CHD5: variants seen among roughly 807,000 people sequenced by gnomAD.
CHD5 encodes chromodomain helicase DNA binding protein 5.
Under a neutral mutation model 230.3 loss-of-function variants are expected in CHD5, and 69 were observed. That is an observed-to-expected ratio of 0.30 (90% CI 0.25 to 0.37). CHD5 has a LOEUF of 0.37. Among genes scored for constraint, CHD5 ranks in the 10% least tolerant of loss-of-function variants. CHD5 has a pLI of 1.00. For missense variants in CHD5, 1,827 were observed against 2,622.8 expected, an observed-to-expected ratio of 0.70 and a Z score of 6.63; for synonymous variants, 1,064 against 1,065.9, an observed-to-expected ratio of 1.00 and a Z score of 0.03.
chr1:6,124,514 C>T lies in CHD5; in HGVS notation c.4539+3G>A, dbSNP rs1666521245. On this transcript the variant is annotated splice_donor_region_variant and intron_variant, in intron 30 of 41. Coordinates refer to ENST00000262450, the MANE Select transcript of CHD5 (RefSeq NM_015557.3). ...AGGGCCCTACAGAGAGTTACTCACC[C>T]ACCTTCTTCCTAACTAGTGACATGA... 6.2e-7 allele frequency: 1 copy of T among 1,614,096 alleles called. No individual in the cohort carries two copies. Among genetic ancestry groups the T allele is most frequent in the East Asian group, 2.2e-5 (1 of 44,880 alleles).
At chr1:6,160,390 C>A (rs55708265) in intron 2 of CHD5, among the ~76,000 whole-genome samples, 3 of 117,642 alleles carry the variant, frequency 2.6e-5, no homozygotes. Flanking sequence ...GAGCCCTAGC[C>A]AGGGAAGGGC....
chr1:6,154,947 AGGCCCACCCGACCCCCGGCAG>A lies in CHD5; in HGVS notation c.507-70_507-50del. The A allele has an allele frequency of 6.5e-7, 1 of 1,538,424 alleles. No homozygotes were observed. The highest frequency in any genetic ancestry group is 8.9e-7 in the Non-Finnish European group (1 of 1,124,048). On this transcript the variant is annotated intron_variant, in intron 4 of 41. Transcript: ENST00000262450. The surrounding 1 kb of genome is among the most constrained non-coding windows in gnomAD (Gnocchi z 7.0). ...TGAGGGCAAGGCCAGGTGAGATGAG[AGGCCCACCCGACCCCCGGCAG>A]GGCCCACCCCTCTGCCACATGTGCG...
chr1:6,155,882 TGCAGCCCC>T lies in CHD5; in HGVS notation c.388-173_388-166del, dbSNP rs978806719. ...CCCACCCTAGGAAACATTCAAGCCC[TGCAGCCCC>T]GCAGCCCCGCAGCCCCCAATCTGTG... On this transcript the variant is annotated intron_variant, in intron 3 of 41. Coordinates refer to ENST00000262450, the MANE Select transcript of CHD5 (RefSeq NM_015557.3). The surrounding 1 kb of genome is among the most constrained non-coding windows in gnomAD (Gnocchi z 4.0). Among the ~76,000 whole-genome samples, 7 of 152,304 alleles carry T rather than the reference TGCAGCCCC, an allele frequency of 4.6e-5. No homozygotes were observed. The highest frequency in any genetic ancestry group is 8.8e-5 in the Non-Finnish European group (6 of 68,016).
Position 6,124,044 on chromosome 1 carries a change from C to T in CHD5, c.4603G>A (p.Glu1535Lys), listed in dbSNP as rs780415966. ...STPDLIPEGP[E>K]GKKSGEVISS... ...ATCACCTCGCCCGACTTCTTCCCCT[C>T]GGGCCCCTCAGGGATCAAGTCTGGG... The change falls in exon 31 of 42, where the codon GAG becomes AAG. Residue 1535 changes from glutamate (E) to lysine (K), a missense_variant. Glu to Lys is a moderately conservative substitution (Grantham distance 56). Around this residue, in one of 14 missense-constraint regions of CHD5, gnomAD observed 108 missense variants for 152.4 expected, o/e 0.71. Coordinates refer to ENST00000262450, the MANE Select transcript of CHD5 (RefSeq NM_015557.3). 26 of 1,613,096 alleles carry T rather than the reference C, an allele frequency of 1.6e-5. No individual in the cohort carries two copies. Among genetic ancestry groups the T allele is most frequent in the South Asian group, 3.3e-5 (3 of 91,006 alleles).
intron 2 of CHD5, among the ~76,000 whole-genome samples, chr1:6,164,044 C>A (rs981123963): frequency 2.0e-5 from 3 of 152,198 alleles, no homozygotes; most frequent in Non-Finnish European, 4.4e-5. Flanking sequence ...CTGCTCTGAG[C>A]CCCCACCCTG....
rs1273998170 is a variant in CHD5 at position 6,124,808 on chromosome 1, G to A, written c.4395-147C>T. ...CAGGCCTGGGCCAGGCCCGGGAAAGGACAGAGAGGGCCTCCCTGGCGAGGG... is the reference window on the plus strand; with the variant it reads ...CAGGCCTGGGCCAGGCCCGGGAAAGAACAGAGAGGGCCTCCCTGGCGAGGG... On this transcript the variant is annotated intron_variant, in intron 29 of 41. Coordinates refer to ENST00000262450, the MANE Select transcript of CHD5 (RefSeq NM_015557.3). 4 of 672,558 alleles carry A rather than the reference G, an allele frequency of 5.9e-6. No individual in the cohort carries two copies. The African/African-American group carries it at 7.2e-5, about 12-fold the overall frequency. 41.7% of individuals were successfully genotyped at this position (672,558 alleles called of 1,614,324 possible).
rs751258884 is a variant in CHD5 at position 6,106,299 on chromosome 1, AGAG to A, written c.5858-15_5858-13del. Reference sequence around the variant, plus strand: ...GGACGGCTAGATATCTGTCAAAAAAAGAGGAGAGCCGGGCTTGCCTGACGTTGG... The same window carrying A: ...GGACGGCTAGATATCTGTCAAAAAAAGAGAGCCGGGCTTGCCTGACGTTGG... On this transcript the variant is annotated splice_polypyrimidine_tract_variant and intron_variant, in intron 40 of 41. Coordinates refer to ENST00000262450, the MANE Select transcript of CHD5 (RefSeq NM_015557.3). The A allele has an allele frequency of 6.2e-7, 1 of 1,612,814 alleles. No homozygotes were observed. The highest frequency in any genetic ancestry group is 1.1e-5 in the South Asian group (1 of 91,088).
chr1:6,142,374 G>C lies in CHD5; in HGVS notation c.2235+40C>G. Reference sequence around the variant, plus strand: ...CGTGAGACCACCTGCCCTTGGCCAGGACCAGCCACCCCTCCTGGCCGCCTG... The same window carrying C: ...CGTGAGACCACCTGCCCTTGGCCAGCACCAGCCACCCCTCCTGGCCGCCTG... On this transcript the variant is annotated intron_variant, in intron 14 of 41. Coordinates refer to ENST00000262450, the MANE Select transcript of CHD5 (RefSeq NM_015557.3). This position sits in a 1 kb window ranked among gnomAD's most constrained non-coding sequence, Gnocchi z 5.2. 6.3e-7 allele frequency: 1 copy of C among 1,596,408 alleles called. No homozygotes were observed. Among genetic ancestry groups the C allele is most frequent in the Non-Finnish European group, 8.6e-7 (1 of 1,167,592 alleles).
intron 15 of CHD5, among the ~76,000 whole-genome samples, chr1:6,139,424 A>G (rs1557549448): frequency 1.3e-5 from 2 of 151,842 alleles, no homozygotes; most frequent in Admixed American, 6.6e-5. Context: ...TTTAGCAGAG[A>G]TAGGGTTTCA....
At chr1:6,119,331 C>G (rs1304402016) in intron 33 of CHD5, among the ~76,000 whole-genome samples, 2 of 152,066 alleles carry the variant, frequency 1.3e-5, no homozygotes, top group African/African-American at 4.8e-5. Context: ...AACTCCTGAC[C>G]TTGTGATCTG....
chr1:6,124,581 C>T lies in CHD5; in HGVS notation c.4475G>A (p.Arg1492Gln), dbSNP rs774327302. ...CACGTGCTGCCTGGAGAGGCCCTCC[C>T]GGGGCACGCCGTCTGCGAAGGTCTC... ...GAETFADGVPREGLSRQHVLT... is the reference protein window; with the variant it reads ...GAETFADGVPQEGLSRQHVLT... The change falls in exon 30 of 42, where the codon CGG (arginine) becomes CAG (glutamine). Residue 1492 changes from arginine to glutamine, a missense_variant. Physicochemically the swap from Arg to Gln is conservative, Grantham distance 43. Transcript: ENST00000262450. 1.6e-5 allele frequency: 25 copies of T among 1,603,276 alleles called. No individual in the cohort carries two copies. The highest frequency in any genetic ancestry group is 4.6e-5 in the East Asian group (2 of 43,886).
In CHD5 at chr1:6,111,782, T is replaced by C; in HGVS notation, c.5242A>G (p.Ile1748Val). The change falls in exon 36 of 42, where the codon ATC (isoleucine) becomes GTC (valine). Residue 1748 changes from isoleucine to valine, a missense_variant. Ile to Val is a conservative substitution (Grantham distance 29). Coordinates refer to ENST00000262450, the MANE Select transcript of CHD5 (RefSeq NM_015557.3). Reference sequence around the variant, plus strand: ...CGGCCTGGCCAAGGATACGTCACGATGCCCGCCAGCAGCCAGTAGTCATGG... The same window carrying C: ...CGGCCTGGCCAAGGATACGTCACGACGCCCGCCAGCAGCCAGTAGTCATGG... ...RRHDYWLLAG[I>V]VTHGYARWQD... 1.2e-6 allele frequency: 2 copies of C among 1,613,242 alleles called. No homozygotes were observed. Among genetic ancestry groups the C allele is most frequent in the Non-Finnish European group, 1.7e-6 (2 of 1,179,920 alleles).
intron 11 of CHD5, 132 bp from the exon 12 acceptor site, chr1:6,144,287 G>A (rs1666876775): frequency 2.4e-6 from 3 of 1,262,018 alleles, no homozygotes; most frequent in African/African-American, 2.9e-5. Flanking sequence ...GCCAGGAGGA[G>A]GAGACGAGGG....
chr1:6,114,329 G>A (rs921009166), intron 33 of CHD5, among the ~76,000 whole-genome samples: 19 of 151,700 alleles, frequency 1.3e-4, no homozygotes, highest in Non-Finnish European at 5.9e-5. Flanking sequence ...CCCACCAGCC[G>A]ACGCACAGGA....
chr1:6,132,866 G>T (rs1416059592), intron 20 of CHD5, among the ~76,000 whole-genome samples: 1 of 144,776 alleles, frequency 6.9e-6, no homozygotes. Context: ...GTCTTTTCAG[G>T]CTATCCTATT....
Position 6,125,941 on chromosome 1 carries a change from C to T in CHD5, c.4079-83G>A. ...AAGTTCAAGCATGCCCAGGGCCACG[C>T]CGAGCCCCTGCACCCCAGCTCCATA... On this transcript the variant is annotated intron_variant, in intron 26 of 41. Transcript: ENST00000262450. The surrounding 1 kb of genome is among the most constrained non-coding windows in gnomAD (Gnocchi z 6.7). The T allele has an allele frequency of 8.0e-6, 8 of 997,722 alleles. No individual in the cohort carries two copies. Among genetic ancestry groups the T allele is most frequent in the East Asian group, 2.4e-5 (1 of 42,048 alleles). 61.8% of individuals were successfully genotyped at this position (997,722 alleles called of 1,614,324 possible). A position where few individuals can be genotyped will look rare whatever the true frequency, so the allele number is the denominator to read the frequency against.
At chr1:6,177,136 C>T (rs957029753) in intron 1 of CHD5, among the ~76,000 whole-genome samples, 3 of 152,194 alleles carry the variant, frequency 2.0e-5, no homozygotes, top group Non-Finnish European at 4.4e-5. Context: ...GTTTAATAGC[C>T]GTAGACTGAA....
intron 36 of CHD5, 70 bp downstream of exon 36, chr1:6,111,705 C>T: frequency 8.0e-7 from 1 of 1,245,380 alleles, no homozygotes; most frequent in African/African-American, 1.5e-5. Flanking sequence ...CCGGAGCTCT[C>T]AGAGGGCTCT....
In CHD5 at chr1:6,142,982, T is replaced by C. The variant is rs917352979; in HGVS notation, c.2044-377A>G. ...GGTCACTTACTCACCATTTTTTGGA[T>C]GAACAACAAAACGAACATCCATCTG... On this transcript the variant is annotated intron_variant, in intron 13 of 41. Transcript: ENST00000262450. This position sits in a 1 kb window ranked among gnomAD's most constrained non-coding sequence, Gnocchi z 5.2. 3.3e-5 allele frequency among the ~76,000 whole-genome samples: 5 copies of C among 152,138 alleles called. No homozygotes were observed. The highest frequency in any genetic ancestry group is 1.2e-4 in the African/African-American group (5 of 41,426).
Sources: gnomAD v4.1 joint callset for allele counts (sites outside exome capture counted in the v4.1 genomes callset) on GRCh38, gnomAD v4.1.1 for gene constraint, gnomAD v4.1.1 regional missense constraint, Gnocchi (gnomAD v3.1) non-coding constraint, MANE v1.5 for transcripts, NCBI Gene and HGNC (gene_info 2026-07-23, HGNC 2026-07-21) for gene names.